The following THSD7B variants were observed in gnomAD, a reference collection of about 807,000 sequenced individuals.
THSD7B encodes thrombospondin type-1 domain-containing protein 7B.
Under a neutral mutation model 213.6 loss-of-function variants are expected in THSD7B, and 138 were observed. The observed-to-expected ratio is 0.65, with a 90% CI of 0.56 to 0.74. The LOEUF is 0.74. THSD7B is among the 30% of genes least tolerant of loss of function. The pLI, the probability that THSD7B is intolerant of heterozygous loss-of-function variation, is 0.00. For missense variants in THSD7B, 1,931 were observed against 1,991.5 expected, an observed-to-expected ratio of 0.97 and a Z score of 0.58; for synonymous variants, 742 against 687.0, an observed-to-expected ratio of 1.08 and a Z score of -1.25.
intron 2 of THSD7B, among the ~76,000 whole-genome samples, chr2:136,963,628 ACAGT>A (rs963495157): frequency 2.0e-5 from 3 of 152,324 alleles, no homozygotes; most frequent in East Asian, 1.9e-4. Context: ...CCTGAACAAC[ACAGT>A]CAGGCACTAT....
rs190990593 is a variant in THSD7B at position 137,636,027 on chromosome 2, T to A, written c.3800-6461T>A. Reference sequence around the variant, plus strand: ...CCTTGCAAGTTGCTTTTATACAGTATTTTTTATTTGTATAACCTTTGTGAC... The same window carrying A: ...CCTTGCAAGTTGCTTTTATACAGTAATTTTTATTTGTATAACCTTTGTGAC... On this transcript the variant is annotated intron_variant, in intron 20 of 27. Coordinates refer to ENST00000409968, the MANE Select transcript of THSD7B (RefSeq NM_001316349.2). Among the ~76,000 whole-genome samples the A allele has an allele frequency of 9.2e-5, 14 of 152,288 alleles. No homozygotes were observed. The East Asian group carries it at 2.7e-3, about 29-fold the overall frequency.
At chr2:137,623,904 C>A (rs2104845562) in intron 20 of THSD7B, among the ~76,000 whole-genome samples, 1 of 152,252 alleles carries the variant, frequency 6.6e-6, no homozygotes, top group East Asian at 1.9e-4. Context: ...CCATACTGCC[C>A]AAGGTAATTT....
chr2:137,382,130 T>A (rs1685791867), intron 12 of THSD7B, among the ~76,000 whole-genome samples: 1 of 152,152 alleles, frequency 6.6e-6, no homozygotes, highest in Non-Finnish European at 1.5e-5. Context: ...CTAATGCATT[T>A]TTTTTTTCTA....
chr2:137,518,339 G>A (rs1179646978), intron 15 of THSD7B, among the ~76,000 whole-genome samples: 1 of 152,188 alleles, frequency 6.6e-6, no homozygotes, highest in African/African-American at 2.4e-5. Flanking sequence ...CAGTGGTGAA[G>A]GGAAGTCTTC....
At chr2:137,375,605 C>A (rs1340440466) in intron 12 of THSD7B, among the ~76,000 whole-genome samples, 1 of 152,120 alleles carries the variant, frequency 6.6e-6, no homozygotes, top group Non-Finnish European at 1.5e-5. Context: ...TATATAAGGA[C>A]TACAAAATGA....
chr2:136,986,507 C>T (rs1685675069), intron 2 of THSD7B, among the ~76,000 whole-genome samples: 5 of 152,190 alleles, frequency 3.3e-5, no homozygotes, highest in Admixed American at 2.6e-4. Flanking sequence ...CATGCTTGTA[C>T]AGCCTGCAGA....
intron 2 of THSD7B, among the ~76,000 whole-genome samples, chr2:137,044,624 A>T (rs1364937047): frequency 6.6e-6 from 1 of 152,206 alleles, no homozygotes; most frequent in Admixed American, 6.5e-5. Context: ...ACACAATAAG[A>T]TTAATAACCA....
chr2:137,286,475 A>G (rs2104826566), intron 12 of THSD7B, among the ~76,000 whole-genome samples: 1 of 152,286 alleles, frequency 6.6e-6, no homozygotes, highest in Middle Eastern at 3.4e-3. Context: ...TTAGGAGACA[A>G]AGGATACCTC....
chr2:137,061,524 A>G (rs1354437616), intron 3 of THSD7B, among the ~76,000 whole-genome samples: 1 of 151,098 alleles, frequency 6.6e-6, no homozygotes, highest in Non-Finnish European at 1.5e-5. Flanking sequence ...GATCAAGTCA[A>G]GGAAGTTCCC....
In THSD7B at chr2:137,252,279, A is replaced by C. The variant is rs531991438; in HGVS notation, c.2266+9707A>C. 3.4e-4 allele frequency among the ~76,000 whole-genome samples: 51 copies of C among 149,280 alleles called. 1 individual carries two copies. Among genetic ancestry groups the C allele is most frequent in the Non-Finnish European group, 6.3e-4 (43 of 67,780 alleles). ...GAGACTCTGTCTCAAAAAAAAAAAA[A>C]AAAAAAAAAAACAAAGGGTTGGGGG... On this transcript the variant is annotated intron_variant, in intron 10 of 27. Transcript: ENST00000409968.
intron 12 of THSD7B, among the ~76,000 whole-genome samples, chr2:137,321,415 C>G (rs1684263245): frequency 6.6e-6 from 1 of 152,140 alleles, no homozygotes; most frequent in Admixed American, 6.5e-5. Context: ...CACATGCATT[C>G]TTAGCTGTTA....
At chr2:136,804,783 A>C (rs971851120) in intron 1 of THSD7B, among the ~76,000 whole-genome samples, 12 of 152,174 alleles carry the variant, frequency 7.9e-5, no homozygotes, top group African/African-American at 2.9e-4. Flanking sequence ...TAAGTAAAAA[A>C]GCTTGCTTAA....
At chr2:137,138,135 C>T (rs971503584) in intron 5 of THSD7B, among the ~76,000 whole-genome samples, 1 of 152,212 alleles carries the variant, frequency 6.6e-6, no homozygotes, top group Non-Finnish European at 1.5e-5. Context: ...CTCAAGTGAC[C>T]TTTCTGCCTC....
At chr2:137,338,791 C>T (rs953643962) in intron 12 of THSD7B, among the ~76,000 whole-genome samples, 2 of 151,974 alleles carry the variant, frequency 1.3e-5, no homozygotes, top group African/African-American at 4.8e-5. Context: ...AATTACAAAG[C>T]CTCTGTGTGT....
intron 4 of THSD7B, among the ~76,000 whole-genome samples, chr2:137,097,143 T>A (rs555221038): frequency 6.6e-6 from 1 of 152,266 alleles, no homozygotes; most frequent in African/African-American, 2.4e-5. Flanking sequence ...GATGCCTCTA[T>A]CCTTCATTTT....
chr2:137,370,468 T>G (rs1221572054), intron 12 of THSD7B, among the ~76,000 whole-genome samples: 1 of 152,112 alleles, frequency 6.6e-6, no homozygotes, highest in Non-Finnish European at 1.5e-5. Flanking sequence ...CTCTGAATGA[T>G]AAGGGTTTTG....
At chr2:136,873,346 C>T (rs553372588) in intron 1 of THSD7B, among the ~76,000 whole-genome samples, 1 of 152,304 alleles carries the variant, frequency 6.6e-6, no homozygotes, top group Admixed American at 6.5e-5. Flanking sequence ...TAGGATTCTT[C>T]AGTTACCTGC....
chr2:137,578,024 C>A (rs373983696), intron 17 of THSD7B, among the ~76,000 whole-genome samples: 1 of 152,090 alleles, frequency 6.6e-6, no homozygotes. Context: ...TTATAAAGGG[C>A]AAAATATATA....
intron 12 of THSD7B, among the ~76,000 whole-genome samples, chr2:137,291,208 A>G (rs1258320645): frequency 6.6e-6 from 1 of 152,070 alleles, no homozygotes; most frequent in Non-Finnish European, 1.5e-5. Context: ...TTGGAATCCT[A>G]TGTCCTGTCC....
Sources: gnomAD v4.1 joint callset for allele counts (sites outside exome capture counted in the v4.1 genomes callset) on GRCh38, gnomAD v4.1.1 for gene constraint, MANE v1.5 for transcripts, NCBI Gene and HGNC (gene_info 2026-07-23, HGNC 2026-07-21) for gene names.